The following NRXN1 variants were observed in gnomAD, a reference collection of about 807,000 sequenced individuals.
NRXN1 encodes neurexin-1.
Under a neutral mutation model 150.9 loss-of-function variants are expected in NRXN1, and 39 were observed. The ratio of observed to expected loss-of-function variants is 0.26; its 90% CI spans 0.20 to 0.34. NRXN1 has a LOEUF of 0.34. Ranked by LOEUF, NRXN1 falls within the 10% of genes least tolerant of loss-of-function variation. The pLI is 1.00. For synonymous variants in NRXN1, 924 were observed against 757.0 expected, an observed-to-expected ratio of 1.22 and a Z score of -3.62; for missense variants, 1,815 against 1,949.9, an observed-to-expected ratio of 0.93 and a Z score of 1.30.
At chr2:50,457,006 C>T (rs1326383052) in intron 17 of NRXN1, among the ~76,000 whole-genome samples, 1 of 152,056 alleles carries the variant, frequency 6.6e-6, no homozygotes, top group Non-Finnish European at 1.5e-5. Flanking sequence ...CATAAAAGTA[C>T]TTTGGGAAGT....
chr2:50,172,203 T>C (rs1289286460), intron 18 of NRXN1, among the ~76,000 whole-genome samples: 1 of 152,198 alleles, frequency 6.6e-6, no homozygotes, highest in East Asian at 1.9e-4. Flanking sequence ...TTTGGTGGTA[T>C]TGTCTTATGC....
chr2:50,258,026 ATCTGAGCC>A (rs1382254041), intron 17 of NRXN1, among the ~76,000 whole-genome samples: 18 of 152,040 alleles, frequency 1.2e-4, no homozygotes, highest in Admixed American at 1.2e-3. Flanking sequence ...TTGCTAAATC[ATCTGAGCC>A]TTTAGCAAGC....
chr2:50,750,317 G>T (rs1478420773), intron 5 of NRXN1, among the ~76,000 whole-genome samples: 3 of 149,810 alleles, frequency 2.0e-5, no homozygotes, highest in African/African-American at 7.4e-5. Context: ...ATTTGTGTTT[G>T]TATTTTTTTG....
At chr2:50,204,704 T>C (rs977849453) in intron 18 of NRXN1, among the ~76,000 whole-genome samples, 1 of 152,090 alleles carries the variant, frequency 6.6e-6, no homozygotes, top group African/African-American at 2.4e-5. Context: ...ACTTCATATA[T>C]GGGAATAAAT....
At chr2:50,654,848 A>G (rs920172710) in intron 5 of NRXN1, among the ~76,000 whole-genome samples, 3 of 152,066 alleles carry the variant, frequency 2.0e-5, no homozygotes, top group Admixed American at 1.3e-4. Context: ...GTGTCTGTTC[A>G]TATCCTTCAA....
At chr2:50,366,505 T>C (rs187905592) in intron 17 of NRXN1, among the ~76,000 whole-genome samples, 2 of 152,008 alleles carry the variant, frequency 1.3e-5, no homozygotes, top group East Asian at 1.9e-4. Context: ...TAGAACCATT[T>C]GAAAGGATGA....
At chr2:50,851,673 T>C (rs1419370529) in intron 5 of NRXN1, among the ~76,000 whole-genome samples, 2 of 151,976 alleles carry the variant, frequency 1.3e-5, no homozygotes, top group African/African-American at 4.8e-5. Flanking sequence ...GATAAATTCC[T>C]AAGCAGTGAG....
intron 18 of NRXN1, among the ~76,000 whole-genome samples, chr2:50,109,373 T>C (rs1174853951): frequency 1.3e-5 from 2 of 152,124 alleles, no homozygotes; most frequent in Admixed American, 6.6e-5. Context: ...ATTTTCTATA[T>C]TGCAATATAT....
Position 50,347,001 on chromosome 2 carries a change from C to A in NRXN1, c.3365-110031G>T, listed in dbSNP as rs200039303. On this transcript the variant is annotated intron_variant, in intron 17 of 22. Transcript: ENST00000401669. The surrounding 1 kb of genome is among the most constrained non-coding windows in gnomAD (Gnocchi z 4.9). ...GCCGCGGGAGGCAAAGTTTGGGGCG[C>A]GGGGAGAGGAGAGGGCGCAGGGGAG... 4.7e-4 allele frequency: 635 copies of A among 1,364,758 alleles called. 7 individuals are homozygous for A. The African/African-American group carries it at 8.5e-3, about 18-fold the overall frequency. The allele number at this position is 1,364,758 out of a possible 1,614,324, so 84.5% of individuals were successfully genotyped here.
chr2:50,149,129 T>C (rs528304003), intron 18 of NRXN1, among the ~76,000 whole-genome samples: 1 of 151,882 alleles, frequency 6.6e-6, no homozygotes, highest in South Asian at 2.1e-4. Flanking sequence ...AAAGAGGCTA[T>C]TTGTTGTTTA....
intron 2 of NRXN1, among the ~76,000 whole-genome samples, chr2:50,949,889 T>C (rs950583535): frequency 2.0e-5 from 3 of 152,282 alleles, no homozygotes; most frequent in Admixed American, 6.5e-5. Flanking sequence ...GTCTCATCTA[T>C]TTCTGTTGAA....
chr2:50,911,145 C>CA (rs1161441072), intron 5 of NRXN1, among the ~76,000 whole-genome samples: 1 of 152,010 alleles, frequency 6.6e-6, no homozygotes, highest in Non-Finnish European at 1.5e-5. Context: ...AAATCACATG[C>CA]AATATGTAAC....
intron 2 of NRXN1, among the ~76,000 whole-genome samples, chr2:51,020,444 T>G (rs1319727518): frequency 6.6e-6 from 1 of 152,016 alleles, no homozygotes; most frequent in Non-Finnish European, 1.5e-5. Flanking sequence ...GATGCATACT[T>G]CTGGGCATAA....
chr2:50,827,759 G>T (rs994409193), intron 5 of NRXN1, among the ~76,000 whole-genome samples: 1 of 151,380 alleles, frequency 6.6e-6, no homozygotes, highest in Non-Finnish European at 1.5e-5. Flanking sequence ...GCGGCCTTCC[G>T]CAGTGTTTGT....
At chr2:50,850,013 C>A (rs1295094944) in intron 5 of NRXN1, among the ~76,000 whole-genome samples, 1 of 151,754 alleles carries the variant, frequency 6.6e-6, no homozygotes, top group African/African-American at 2.4e-5. Context: ...GAAGACCAGC[C>A]TAGGCAACAA....
chr2:50,506,194 A>C (rs1016124778), intron 13 of NRXN1, among the ~76,000 whole-genome samples: 1 of 152,160 alleles, frequency 6.6e-6, no homozygotes, highest in African/African-American at 2.4e-5. Flanking sequence ...TGGCATCTAA[A>C]CATGACTGCA....
At chr2:50,892,493 T>C (rs1193400820) in intron 5 of NRXN1, among the ~76,000 whole-genome samples, 1 of 152,154 alleles carries the variant, frequency 6.6e-6, no homozygotes, top group Non-Finnish European at 1.5e-5. Flanking sequence ...GGTGTAGTAT[T>C]TAATTGGTCA....
intron 5 of NRXN1, among the ~76,000 whole-genome samples, chr2:50,655,490 C>T (rs1686296898): frequency 6.6e-6 from 1 of 151,942 alleles, no homozygotes; most frequent in Non-Finnish European, 1.5e-5. Context: ...GACAAGGTTG[C>T]TGTGCTTGTT....
intron 17 of NRXN1, among the ~76,000 whole-genome samples, chr2:50,462,962 TA>T (rs1407523937): frequency 1.3e-5 from 2 of 151,858 alleles, no homozygotes; most frequent in African/African-American, 2.4e-5. Context: ...GTTTCCCCAT[TA>T]AAAAGTTTTG....
Sources: gnomAD v4.1 joint callset for allele counts (sites outside exome capture counted in the v4.1 genomes callset) on GRCh38, gnomAD v4.1.1 for gene constraint, Gnocchi (gnomAD v3.1) non-coding constraint, MANE v1.5 for transcripts, NCBI Gene and HGNC (gene_info 2026-07-23, HGNC 2026-07-21) for gene names.